The following GRHL2 variants were observed in gnomAD, a reference collection of about 807,000 sequenced individuals.
GRHL2 encodes the protein grainyhead-like protein 2 homolog.
Under a neutral mutation model 83.8 loss-of-function variants are expected in GRHL2, and 21 were observed. That is an observed-to-expected ratio of 0.25 (90% CI 0.18 to 0.36). The LOEUF (loss-of-function observed/expected upper bound fraction) is 0.36, where lower values mean the gene tolerates loss of function less well. Among genes scored for constraint, GRHL2 ranks in the 10% least tolerant of loss-of-function variants. The probability of loss-of-function intolerance (pLI) is 1.00; values close to 1 mark genes in which losing one functional copy is unlikely to be tolerated. For synonymous variants in GRHL2, 280 were observed against 278.9 expected (o/e 1.00, Z -0.04); for missense variants, 623 against 781.8 (o/e 0.80, Z 2.42).
chr8:101,656,744 G>T (rs540437283), intron 14 of GRHL2, among the ~76,000 whole-genome samples: 1 of 152,332 alleles, frequency 6.6e-6, no homozygotes, highest in South Asian at 2.1e-4. Flanking sequence ...ATATAGGATT[G>T]TTGTGAGGAT....
chr8:101,509,276 T>C lies in GRHL2; in HGVS notation c.20+16487T>C, dbSNP rs375124771. ...GCCTATTAGTGGTTAAGAAACACTT[T>C]GGTTGTTTATCTAAATAGTAGGGCT... On this transcript the variant is annotated intron_variant, in intron 1 of 15. Coordinates refer to ENST00000646743, the MANE Select transcript of GRHL2 (RefSeq NM_024915.4). Among the ~76,000 whole-genome samples the C allele has an allele frequency of 2.1e-4, 31 of 144,742 alleles. No homozygotes were observed. In the East Asian group the frequency reaches 4.5e-3, roughly 21 times the overall value. 95.0% of individuals were successfully genotyped at this position (144,742 alleles called of 152,430 possible).
chr8:101,592,341 G>A (rs183155435), intron 7 of GRHL2, among the ~76,000 whole-genome samples: 1 of 152,152 alleles, frequency 6.6e-6, no homozygotes, highest in East Asian at 1.9e-4. Flanking sequence ...CTGACCTCGT[G>A]ATCCACCTGC....
At chr8:101,672,319 G>A (rs745423103), downstream of GRHL2, among the ~76,000 whole-genome samples, 36 of 151,570 alleles carry the variant, frequency 2.4e-4, no homozygotes, top group South Asian at 4.2e-4. Flanking sequence ...AAAATTAGAC[G>A]AATGGATAAC....
At chr8:101,675,011 C>A in the GRHL2 span, among the ~76,000 whole-genome samples, 6 of 152,134 alleles carry the variant, frequency 3.9e-5, no homozygotes, top group Non-Finnish European at 5.9e-5. Flanking sequence ...TTCAACAACC[C>A]TTCATGCTAA....
rs538474959 is a variant in GRHL2 at position 101,531,021 on chromosome 8, A to C, written c.21-12220A>C. ...TGAAGCAGGTGGATCACTTGAGCTC[A>C]GAAGTCCAAGACCAGCCTGGGCAAT... On this transcript the variant is annotated intron_variant, in intron 1 of 15. Transcript: ENST00000646743. Among the ~76,000 whole-genome samples the C allele has an allele frequency of 2.3e-4, 35 of 152,246 alleles. No individual in the cohort carries two copies. In the Middle Eastern group the frequency reaches 0.01, roughly 44 times the overall value.
intron 8 of GRHL2, among the ~76,000 whole-genome samples, chr8:101,618,918 G>A (rs1323153905): frequency 6.6e-6 from 1 of 151,996 alleles, no homozygotes; most frequent in Non-Finnish European, 1.5e-5. Flanking sequence ...ATATGTTGAG[G>A]AAACAGTGTT....
chr8:101,584,136 G>A (rs1812116712), intron 7 of GRHL2, among the ~76,000 whole-genome samples: 1 of 152,146 alleles, frequency 6.6e-6, no homozygotes, highest in African/African-American at 2.4e-5. Flanking sequence ...TGTCTTCAAT[G>A]TTGGTTCACA....
intron 1 of GRHL2, among the ~76,000 whole-genome samples, chr8:101,515,176 G>GCACACA (rs4002325): frequency 0.18 from 26,008 of 144,358 alleles, 2,586 homozygotes; most frequent in East Asian, 0.26. Flanking sequence ...CTGTCTCTCT[G>GCACACA]CACACACACA....
At chr8:101,548,539 G>A (rs570772923) in intron 2 of GRHL2, among the ~76,000 whole-genome samples, 21 of 152,264 alleles carry the variant, frequency 1.4e-4, no homozygotes, top group Non-Finnish European at 4.4e-5. Flanking sequence ...TTCATAACAA[G>A]GGTAAGATGC....
At position 101,528,857 on chromosome 8, in the gene GRHL2, C is replaced by T. The variant is rs187358544; in HGVS notation, c.21-14384C>T. 40 of 350,724 alleles carry T rather than the reference C, an allele frequency of 1.1e-4. No homozygotes were observed. In the Admixed American group the frequency reaches 1.2e-3, roughly 11 times the overall value. 21.7% of individuals were successfully genotyped at this position (350,724 alleles called of 1,614,324 possible). A position where few individuals can be genotyped will look rare whatever the true frequency, so the allele number is the denominator to read the frequency against. On this transcript the variant is annotated intron_variant, in intron 1 of 15. Transcript: ENST00000646743. Reference sequence around the variant, plus strand: ...CTTTGAGCTCTTTCCTTTAGCTTATCCAGGTTCATGATAGGTTTGTTGTTA... The same window carrying T: ...CTTTGAGCTCTTTCCTTTAGCTTATTCAGGTTCATGATAGGTTTGTTGTTA...
chr8:101,545,443 GAAAAAAAAA>G (rs34421761), intron 2 of GRHL2, among the ~76,000 whole-genome samples: 1 of 58,908 alleles, frequency 1.7e-5, no homozygotes, highest in Non-Finnish European at 3.1e-5. Context: ...GGGAATTCCT[GAAAAAAAAA>G]AAAAAAAAAA....
At chr8:101,638,406 CAT>C (rs1197387275) in intron 12 of GRHL2, among the ~76,000 whole-genome samples, 2 of 152,302 alleles carry the variant, frequency 1.3e-5, no homozygotes, top group South Asian at 2.1e-4. Context: ...TATTGCATGA[CAT>C]GTGAAAATTA....
chr8:101,596,837 G>C (rs1453625862), intron 7 of GRHL2, among the ~76,000 whole-genome samples: 2 of 152,088 alleles, frequency 1.3e-5, no homozygotes, highest in Non-Finnish European at 2.9e-5. Context: ...ACTTTCCTGT[G>C]GTGGCCACAC....
At chr8:101,587,851 C>T (rs1413324264) in intron 7 of GRHL2, among the ~76,000 whole-genome samples, 6 of 152,206 alleles carry the variant, frequency 3.9e-5, no homozygotes, top group Non-Finnish European at 7.3e-5. Flanking sequence ...CTAGAAGTTT[C>T]TCTCCCTGTG....
At chr8:101,536,986 G>A (rs1392089609) in intron 1 of GRHL2, among the ~76,000 whole-genome samples, 1 of 146,358 alleles carries the variant, frequency 6.8e-6, no homozygotes, top group South Asian at 2.2e-4. Context: ...GAGTCCATTT[G>A]TTCTCATCAT....
intron 1 of GRHL2, among the ~76,000 whole-genome samples, chr8:101,528,411 C>T (rs905613108): frequency 2.6e-5 from 4 of 151,560 alleles, no homozygotes; most frequent in Admixed American, 6.6e-5. Context: ...CTTCTTTTTA[C>T]CCCCGTCTCT....
rs368059598 is a variant in GRHL2 at position 101,570,335 on chromosome 8, G to T, written c.679-4G>T. On this transcript the variant is annotated splice_polypyrimidine_tract_variant and splice_region_variant and intron_variant, in intron 4 of 15. Coordinates refer to ENST00000646743, the MANE Select transcript of GRHL2 (RefSeq NM_024915.4). The stretch of plus-strand genomic sequence containing the variant: ...TTTTAATTCCGATGACTCATATTTT[G>T]CAGAAATTTCGGAGTGCTTCAGTTG... The T allele has an allele frequency of 2.0e-4, 323 of 1,612,874 alleles. No homozygotes were observed. The highest frequency in any genetic ancestry group is 1.9e-4 in the Non-Finnish European group (226 of 1,179,078).
At chr8:101,550,153 T>C (rs1307016603) in intron 2 of GRHL2, among the ~76,000 whole-genome samples, 1 of 145,972 alleles carries the variant, frequency 6.9e-6, no homozygotes, top group South Asian at 2.2e-4. Context: ...TATTATACTT[T>C]AAGTTCTGGG....
chr8:101,665,846 A>C (rs951035598), intron 15 of GRHL2, among the ~76,000 whole-genome samples: 1 of 152,222 alleles, frequency 6.6e-6, no homozygotes, highest in Non-Finnish European at 1.5e-5. Flanking sequence ...CATCTGTCTG[A>C]CTTCAAATCA....
Sources: gnomAD v4.1 joint callset for allele counts (sites outside exome capture counted in the v4.1 genomes callset) on GRCh38, gnomAD v4.1.1 for gene constraint, MANE v1.5 for transcripts, NCBI Gene and HGNC (gene_info 2026-07-23, HGNC 2026-07-21) for gene names.